SEMA3A: variants seen among roughly 807,000 people sequenced by gnomAD.
SEMA3A encodes the protein semaphorin-3A.
In SEMA3A, 29 loss-of-function variants were observed where a neutral mutation model predicts 97.9. That is an observed-to-expected ratio of 0.30 (90% confidence interval 0.22 to 0.40). SEMA3A has a LOEUF of 0.40. SEMA3A is among the 10% of genes least tolerant of loss of function. SEMA3A has a pLI of 1.00. For synonymous variants in SEMA3A, 321 were observed against 323.7 expected (o/e 0.99, Z 0.09); for missense variants, 763 against 951.3 (o/e 0.80, Z 2.60).
Position 84,053,569 on chromosome 7 carries a change from A to C in SEMA3A, c.547+6896T>G, listed in dbSNP as rs947756684. Among the ~76,000 whole-genome samples, 3 of 44,770 alleles carry C rather than the reference A, an allele frequency of 6.7e-5. No homozygotes were observed. The African/African-American group carries it at 7.9e-4, about 12-fold the overall frequency. 29.4% of individuals were successfully genotyped at this position (44,770 alleles called of 152,430 possible). A position where few individuals can be genotyped will look rare whatever the true frequency, so the allele number is the denominator to read the frequency against. On this transcript the variant is annotated intron_variant, in intron 5 of 16. Transcript: ENST00000265362. ...TTTTTGTTTTCCATTTGCTTGGTAG[A>C]TCTTCCTCCATCCTTTTATTTTGAG...
intron 1 of SEMA3A, among the ~76,000 whole-genome samples, chr7:84,463,376 G>T (rs1056073181): frequency 5.3e-5 from 8 of 150,236 alleles, no homozygotes; most frequent in Non-Finnish European, 1.2e-4. Flanking sequence ...AGCCTCCCGA[G>T]TAGCTGGGAC....
intron 2 of SEMA3A, among the ~76,000 whole-genome samples, chr7:84,311,959 A>G (rs1452571241): frequency 6.6e-6 from 1 of 151,922 alleles, no homozygotes; most frequent in African/African-American, 2.4e-5. Flanking sequence ...GTAAATTTTC[A>G]TGTATTTAAA....
intron 1 of SEMA3A, among the ~76,000 whole-genome samples, chr7:84,449,088 A>T (rs1183189255): frequency 6.6e-6 from 1 of 152,232 alleles, no homozygotes; most frequent in East Asian, 1.9e-4. Flanking sequence ...AAAACTGCAT[A>T]TGCAAAAGAA....
At chr7:84,440,741 A>G (rs1202749657) in intron 1 of SEMA3A, among the ~76,000 whole-genome samples, 1 of 152,168 alleles carries the variant, frequency 6.6e-6, no homozygotes, top group African/African-American at 2.4e-5. Context: ...ACAAACAACA[A>G]AAAAGGGCAG....
At chr7:84,075,091 A>G (rs974312368) in intron 4 of SEMA3A, among the ~76,000 whole-genome samples, 3 of 152,094 alleles carry the variant, frequency 2.0e-5, no homozygotes, top group Admixed American at 1.3e-4. Flanking sequence ...AATATTTATT[A>G]TTGAGCTAGA....
intron 2 of SEMA3A, among the ~76,000 whole-genome samples, chr7:84,371,562 T>A (rs1279374931): frequency 6.6e-6 from 1 of 151,914 alleles, no homozygotes; most frequent in Non-Finnish European, 1.5e-5. Context: ...CATAATTATA[T>A]CCATCTCATT....
chr7:84,019,980 G>A (rs1249658648), intron 6 of SEMA3A, among the ~76,000 whole-genome samples: 1 of 140,510 alleles, frequency 7.1e-6, no homozygotes, highest in Non-Finnish European at 1.5e-5. Flanking sequence ...TATAAATGAA[G>A]TAATCACCTA....
In SEMA3A at chr7:84,442,361, G is replaced by C. The variant is rs376077332; in HGVS notation, c.-246+50099C>G. ...GAGAAGCCTCTTAAATAAGCAGAGA[G>C]TTTGTATTTTATTGAAGTTATGCTG... On this transcript the variant is annotated intron_variant, in intron 1 of 3. Coordinates refer to the SEMA3A transcript ENST00000424555. 9.9e-5 allele frequency among the ~76,000 whole-genome samples: 15 copies of C among 152,022 alleles called. No homozygotes were observed. The East Asian group carries it at 2.1e-3, about 22-fold the overall frequency.
intron 6 of SEMA3A, among the ~76,000 whole-genome samples, chr7:84,026,587 A>C (rs1217841817): frequency 6.6e-6 from 1 of 152,194 alleles, no homozygotes. Context: ...AAAGACATGG[A>C]ATCAACCTAA....
At chr7:84,383,859 C>A (rs963494578) in intron 1 of SEMA3A, among the ~76,000 whole-genome samples, 1 of 152,168 alleles carries the variant, frequency 6.6e-6, no homozygotes, top group Non-Finnish European at 1.5e-5. Flanking sequence ...ACTTACCTTA[C>A]GTATTAAGCT....
chr7:84,025,825 G>A (rs1047748359), intron 6 of SEMA3A, among the ~76,000 whole-genome samples: 1 of 152,188 alleles, frequency 6.6e-6, no homozygotes, highest in Admixed American at 6.5e-5. Flanking sequence ...CCCAGCGAAT[G>A]TTCAAGGTAC....
In SEMA3A at chr7:84,344,163, AT is replaced by A. The variant is rs200571479; in HGVS notation, c.-169+27660del. On this transcript the variant is annotated intron_variant, in intron 2 of 3. Coordinates refer to the SEMA3A transcript ENST00000424555. ...GGCACTGCAATTTGTTCAAATGGAA[AT>A]GTTTGTCCGTATACTCAGTATGGAT... Among the ~76,000 whole-genome samples, 370 of 152,316 alleles carry A rather than the reference AT, an allele frequency of 2.4e-3. 13 individuals are homozygous for A. In the East Asian group the frequency reaches 0.063, roughly 26 times the overall value.
chr7:83,973,115 T>C (rs1788984327), intron 15 of SEMA3A, among the ~76,000 whole-genome samples: 1 of 152,290 alleles, frequency 6.6e-6, no homozygotes, highest in African/African-American at 2.4e-5. Flanking sequence ...CCTACTGATA[T>C]GATACCTCTT....
At chr7:84,285,592 CAG>C (rs1382088958) in intron 3 of SEMA3A, among the ~76,000 whole-genome samples, 15 of 151,998 alleles carry the variant, frequency 9.9e-5, no homozygotes, top group Non-Finnish European at 2.2e-4. Flanking sequence ...TAAATTTTCT[CAG>C]AGTTTCATTT....
intron 2 of SEMA3A, among the ~76,000 whole-genome samples, chr7:84,130,907 C>G (rs184048681): frequency 6.6e-6 from 1 of 151,892 alleles, no homozygotes; most frequent in Non-Finnish European, 1.5e-5. Context: ...AATATATATA[C>G]TTAAAAAGAC....
chr7:84,468,103 C>T (rs781646809), intron 1 of SEMA3A, among the ~76,000 whole-genome samples: 2 of 152,160 alleles, frequency 1.3e-5, no homozygotes, highest in East Asian at 3.9e-4. Context: ...GTCCAACGAA[C>T]TCATTGAAGA....
intron 1 of SEMA3A, among the ~76,000 whole-genome samples, chr7:84,172,827 C>T (rs561127937): frequency 6.6e-6 from 1 of 152,310 alleles, no homozygotes; most frequent in South Asian, 2.1e-4. Context: ...ATTTACCAAC[C>T]TCTCAGTTAA....
intron 2 of SEMA3A, among the ~76,000 whole-genome samples, chr7:84,362,973 G>C (rs1406569168): frequency 6.6e-6 from 1 of 151,772 alleles, no homozygotes; most frequent in Non-Finnish European, 1.5e-5. Flanking sequence ...AGAAAAAATG[G>C]GGAATTTACA....
chr7:84,155,489 C>T (rs1796818177), intron 1 of SEMA3A, among the ~76,000 whole-genome samples: 1 of 152,076 alleles, frequency 6.6e-6, no homozygotes, highest in Non-Finnish European at 1.5e-5. Flanking sequence ...TCAGATAGGC[C>T]ATCTTTTCCA....
Sources: allele counts gnomAD v4.1 joint callset (sites outside exome capture counted in the v4.1 genomes callset), GRCh38; gene constraint gnomAD v4.1.1; transcripts MANE v1.5; gene names NCBI Gene and HGNC (gene_info 2026-07-23, HGNC 2026-07-21).